Variants in CFAP300 observed in about 807,000 individuals in gnomAD.
CFAP300 encodes cilia and flagella associated protein 300, also known as cilia- and flagella-associated protein 300.
A neutral mutation model predicts 33.0 loss-of-function variants in CFAP300; 32 were observed. The observed-to-expected ratio is 0.97, with a 90% CI of 0.73 to 1.30. CFAP300 has a LOEUF of 1.30. Among genes scored for constraint, CFAP300 ranks in the 50% most tolerant of loss-of-function variants. CFAP300 has a pLI of 0.00. For synonymous variants in CFAP300, 102 were observed against 106.8 expected (o/e 0.95, Z 0.28); for missense variants, 356 against 318.1 (o/e 1.12, Z -0.90).
At chr11:102,060,807 T>C (rs1942139856) in intron 3 of CFAP300, among the ~76,000 whole-genome samples, 1 of 152,196 alleles carries the variant, frequency 6.6e-6, no homozygotes, top group Admixed American at 6.5e-5. Context: ...AAACAGTTCA[T>C]GATGTTAGAC....
chr11:102,083,258 C>T lies in CFAP300; in HGVS notation c.*59C>T. 1 of 1,235,028 alleles carries T rather than the reference C, an allele frequency of 8.1e-7. No homozygotes were observed. Among genetic ancestry groups the T allele is most frequent in the Non-Finnish European group, 1.1e-6 (1 of 944,848 alleles). The allele number at this position is 1,235,028 out of a possible 1,614,324, so 76.5% of individuals were successfully genotyped here. A position where few individuals can be genotyped will look rare whatever the true frequency, so the allele number is the denominator to read the frequency against. On this transcript the variant is annotated 3_prime_UTR_variant, in exon 7 of 7. Coordinates refer to ENST00000434758, the MANE Select transcript of CFAP300 (RefSeq NM_032930.3). ...TATTTATCATTTTTCTATCTTAATA[C>T]TAACTTATAGATAAACATATACTTT...
chr11:102,075,810 C>T (rs1308875315), intron 4 of CFAP300, 63 bp from the exon 5 acceptor site: 32 of 1,315,576 alleles, frequency 2.4e-5, no homozygotes, highest in Non-Finnish European at 3.2e-5. Flanking sequence ...TAAAATGAAA[C>T]CTTTGAAAAC....
At chr11:102,067,157 T>C (rs1301644639) in intron 4 of CFAP300, among the ~76,000 whole-genome samples, 16 of 152,036 alleles carry the variant, frequency 1.1e-4, no homozygotes, top group Non-Finnish European at 7.4e-5. Flanking sequence ...CTGGGCAACA[T>C]AGCAAAACCC....
rs1372616306 is a variant in CFAP300 at position 102,084,482 on chromosome 11, A to G, written c.*1283A>G. On this transcript the variant is annotated 3_prime_UTR_variant, in exon 7 of 7. Coordinates refer to ENST00000434758, the MANE Select transcript of CFAP300 (RefSeq NM_032930.3). Reference sequence around the variant, plus strand: ...ACTTGGCATATTAAATGTTTATTGAATGAATAACTACTTTCTAGATATCCT... The same window carrying G: ...ACTTGGCATATTAAATGTTTATTGAGTGAATAACTACTTTCTAGATATCCT... The G allele has an allele frequency of 2.0e-5, 3 of 152,224 alleles. No homozygotes were observed. Among genetic ancestry groups the G allele is most frequent in the African/African-American group, 4.8e-5 (2 of 41,466 alleles). 9.4% of individuals were successfully genotyped at this position (152,224 alleles called of 1,614,324 possible).
chr11:102,081,592 T>C (rs1167482884), intron 6 of CFAP300, among the ~76,000 whole-genome samples: 1 of 152,058 alleles, frequency 6.6e-6, no homozygotes, highest in East Asian at 1.9e-4. Context: ...ATAGGGCAGA[T>C]AAATAAGAAT....
intron 3 of CFAP300, among the ~76,000 whole-genome samples, chr11:102,062,588 C>T (rs983300947): frequency 2.0e-5 from 3 of 152,032 alleles, no homozygotes; most frequent in South Asian, 4.1e-4. Context: ...ATTTAGCTGA[C>T]GAGATTTCTA....
At chr11:102,081,883 T>C (rs1942478920) in intron 6 of CFAP300, among the ~76,000 whole-genome samples, 1 of 121,454 alleles carries the variant, frequency 8.2e-6, no homozygotes, top group African/African-American at 3.3e-5. Flanking sequence ...AGAGCGAGAC[T>C]CCATCTAAAA....
rs761205079 is a variant in CFAP300 at position 102,075,836 on chromosome 11, G to A, written c.436-37G>A. ...CTTTGAAAACAAAAGTAAAAATCTT[G>A]AGTTATGTTACATTAAGATGAATTT... On this transcript the variant is annotated intron_variant, in intron 4 of 6. Coordinates refer to ENST00000434758, the MANE Select transcript of CFAP300 (RefSeq NM_032930.3). The A allele has an allele frequency of 8.1e-6, 12 of 1,477,504 alleles. No homozygotes were observed. The African/African-American group carries it at 1.7e-4, about 21-fold the overall frequency. 91.5% of individuals were successfully genotyped at this position (1,477,504 alleles called of 1,614,324 possible). A position where few individuals can be genotyped will look rare whatever the true frequency, so the allele number is the denominator to read the frequency against.
At chr11:102,080,210 TTA>T (rs1303352189) in intron 5 of CFAP300, among the ~76,000 whole-genome samples, 1 of 152,180 alleles carries the variant, frequency 6.6e-6, no homozygotes, top group Non-Finnish European at 1.5e-5. Flanking sequence ...GTATATTTAT[TTA>T]TATATATGTA....
At chr11:102,062,779 C>T (rs1441366918) in intron 3 of CFAP300, among the ~76,000 whole-genome samples, 2 of 152,136 alleles carry the variant, frequency 1.3e-5, no homozygotes, top group Non-Finnish European at 2.9e-5. Context: ...GAACACTGAA[C>T]AGCCATTTGA....
Position 102,073,934 on chromosome 11 carries a change from G to T in CFAP300, c.436-1939G>T, listed in dbSNP as rs1217130993. Among the ~76,000 whole-genome samples, 5 of 152,172 alleles carry T rather than the reference G, an allele frequency of 3.3e-5. No individual in the cohort carries two copies. In the South Asian group the frequency reaches 1.0e-3, roughly 32 times the overall value. ...GTAGACCTCCTGCTGGTGGTGGCAA[G>T]GTTGCTATCAGTGACAGCGGCCCCA... On this transcript the variant is annotated intron_variant, in intron 4 of 6. Coordinates refer to ENST00000434758, the MANE Select transcript of CFAP300 (RefSeq NM_032930.3).
intron 2 of CFAP300, among the ~76,000 whole-genome samples, chr11:102,054,749 A>AAAAAAT: frequency 6.6e-6 from 1 of 150,874 alleles, no homozygotes; most frequent in African/African-American, 2.4e-5. Flanking sequence ...AAAAAAAAAA[A>AAAAAAT]GTGAGACAGT....
chr11:102,049,981 T>C (rs1941945200), intron 2 of CFAP300, among the ~76,000 whole-genome samples: 1 of 152,068 alleles, frequency 6.6e-6, no homozygotes, highest in Non-Finnish European at 1.5e-5. Context: ...TGAGATCCTG[T>C]GGCTATTTTT....
At chr11:102,047,977 C>A in intron 2 of CFAP300, 81 bp downstream of exon 2, 1 of 1,323,428 alleles carries the variant, frequency 7.6e-7, no homozygotes, top group Non-Finnish European at 1.0e-6. Context: ...TTCTTGTGAA[C>A]ACGCTATTCC....
intron 2 of CFAP300, among the ~76,000 whole-genome samples, chr11:102,055,361 CTTT>C (rs561779599): frequency 8.8e-6 from 1 of 113,508 alleles, no homozygotes. Context: ...ATGCGTTACT[CTTT>C]TTTTTTTTTT....
chr11:102,072,984 G>T (rs561319514), intron 4 of CFAP300, among the ~76,000 whole-genome samples: 2 of 152,284 alleles, frequency 1.3e-5, no homozygotes, highest in African/African-American at 2.4e-5. Flanking sequence ...GCTGGGGACA[G>T]GTAGGCCAGT....
At chr11:102,063,405 CCTT>C (rs1942179552) in intron 3 of CFAP300, among the ~76,000 whole-genome samples, 2 of 152,342 alleles carry the variant, frequency 1.3e-5, no homozygotes, top group South Asian at 4.1e-4. Context: ...CATACCTTGT[CCTT>C]CTTCACAGGT....
In CFAP300 at chr11:102,057,592, C is replaced by T. The variant is rs181325966; in HGVS notation, c.193-1288C>T. ...GGCTGTCCAGCACCTTGTAAACAACCATGCAATTTGGGAGTAACTTTTGGG... is the reference window on the plus strand; with the variant it reads ...GGCTGTCCAGCACCTTGTAAACAACTATGCAATTTGGGAGTAACTTTTGGG... On this transcript the variant is annotated intron_variant, in intron 2 of 6. Transcript: ENST00000434758. Among the ~76,000 whole-genome samples, 219 of 152,262 alleles carry T rather than the reference C, an allele frequency of 1.4e-3. 2 individuals carry two copies. Among genetic ancestry groups the T allele is most frequent in the African/African-American group, 5.0e-3 (209 of 41,544 alleles).
At chr11:102,059,352 A>G (rs1329845332) in intron 3 of CFAP300, among the ~76,000 whole-genome samples, 3 of 151,776 alleles carry the variant, frequency 2.0e-5, no homozygotes, top group Non-Finnish European at 4.4e-5. Context: ...GTGCTACCAT[A>G]GAAGTGTAGC....
Sources: gnomAD v4.1 joint callset for allele counts (sites outside exome capture counted in the v4.1 genomes callset) on GRCh38, gnomAD v4.1.1 for gene constraint, MANE v1.5 for transcripts, NCBI Gene and HGNC (gene_info 2026-07-23, HGNC 2026-07-21) for gene names.